ZNF227: variants seen among roughly 807,000 people sequenced by gnomAD.
ZNF227 encodes the protein zinc finger protein 227.
A neutral mutation model predicts 13.2 loss-of-function variants in ZNF227; 12 were observed. That is an observed-to-expected ratio of 0.91 (90% CI 0.58 to 1.47). ZNF227 has a LOEUF of 1.47. Among genes scored for constraint, ZNF227 ranks in the 40% most tolerant of loss-of-function variants. The probability of loss-of-function intolerance (pLI) is 0.00; values close to 1 mark genes in which losing one functional copy is unlikely to be tolerated. For missense variants in ZNF227, 885 were observed against 967.5 expected, an observed-to-expected ratio of 0.91 and a Z score of 1.13; for synonymous variants, 338 against 326.0, an observed-to-expected ratio of 1.04 and a Z score of -0.40.
upstream of ZNF227, among the ~76,000 whole-genome samples, chr19:44,209,059 C>T (rs1971278679): frequency 6.6e-6 from 1 of 152,072 alleles, no homozygotes; most frequent in African/African-American, 2.4e-5. Flanking sequence ...TGGATGACAG[C>T]GAGACCCCGT....
intron 2 of ZNF227, among the ~76,000 whole-genome samples, chr19:44,214,566 C>T (rs1971645830): frequency 1.3e-5 from 2 of 151,900 alleles, no homozygotes; most frequent in Non-Finnish European, 1.5e-5. Flanking sequence ...TTAGTAGAGA[C>T]GGGGTTTCAC....
At chr19:44,210,448 A>G (rs1054440535), upstream of ZNF227, among the ~76,000 whole-genome samples, 2 of 152,238 alleles carry the variant, frequency 1.3e-5, no homozygotes, top group South Asian at 2.1e-4. Context: ...AAATGGAAGC[A>G]CTAGTATTTT....
Position 44,235,930 on chromosome 19 carries a change from C to A in ZNF227, c.1500C>A (p.Gly500=), listed in dbSNP as rs1568619544. 6.2e-7 allele frequency: 1 copy of A among 1,614,092 alleles called. No homozygotes were observed. Among genetic ancestry groups the A allele is most frequent in the Non-Finnish European group, 8.5e-7 (1 of 1,180,016 alleles). The change falls in exon 6 of 6, where the codon GGC becomes GGA. Residue 500 remains glycine, a synonymous_variant. Transcript: ENST00000313040. The part of the protein sequence containing the change: ...KPYKCKECGK[G]FSQASNLQVH... The stretch of plus-strand genomic sequence containing the variant: ...ATAAATGTAAGGAGTGTGGTAAGGG[C>A]TTCAGTCAGGCTTCAAATCTTCAAG...
Position 44,228,977 on chromosome 19 carries a change from A to G in ZNF227, c.187+405A>G, listed in dbSNP as rs192014886. ...AGTTGCAAAACCCTGTTTTAAATGAACCGTAAATGGACACATTAGCTTCTA... is the reference window on the plus strand; with the variant it reads ...AGTTGCAAAACCCTGTTTTAAATGAGCCGTAAATGGACACATTAGCTTCTA... On this transcript the variant is annotated intron_variant, in intron 4 of 5. Transcript: ENST00000313040. 127 of 241,862 alleles carry G rather than the reference A, an allele frequency of 5.3e-4. 1 individual carries two copies. The highest frequency in any genetic ancestry group is 2.6e-3 in the African/African-American group (116 of 44,846). The allele number at this position is 241,862 out of a possible 1,614,324, so 15.0% of individuals were successfully genotyped here.
Position 44,235,251 on chromosome 19 carries a change from G to C in ZNF227, c.821G>C (p.Gly274Ala). Residue 274 changes from glycine to alanine, a missense_variant, in exon 6 of 6, where the codon GGA becomes GCA. Transcript: ENST00000313040. ...CCCCTTCATCCGAATGTTCATACAG[G>C]AGAAAAATGCTTCAGTCAAAGCTCA... ...RLPLHPNVHTGEKCFSQSSHL... is the reference protein window; with the variant it reads ...RLPLHPNVHTAEKCFSQSSHL... 6.2e-7 allele frequency: 1 copy of C among 1,614,064 alleles called. No individual in the cohort carries two copies. The highest frequency in any genetic ancestry group is 8.5e-7 in the Non-Finnish European group (1 of 1,180,000).
rs1974398993 is a variant in ZNF227, at chr19:44,235,759, G to A, written c.1329G>A (p.Lys443=). The change falls in exon 6 of 6, where the codon AAG becomes AAA. Residue 443 remains lysine, a synonymous_variant. Transcript: ENST00000313040. Reference sequence around the variant, plus strand: ...CCTACAAGTGTGATGTGTGTGGTAAGGGCTTCAGCCACAATTCACCATTAA... The same window carrying A: ...CCTACAAGTGTGATGTGTGTGGTAAAGGCTTCAGCCACAATTCACCATTAA... ...EKPYKCDVCG[K]GFSHNSPLIC... The A allele has an allele frequency of 1.9e-5, 30 of 1,614,040 alleles. No homozygotes were observed. The highest frequency in any genetic ancestry group is 2.5e-5 in the Non-Finnish European group (30 of 1,179,990).
At chr19:44,229,573 T>C (rs1026726476) in intron 4 of ZNF227, among the ~76,000 whole-genome samples, 160 bp from the exon 5 acceptor site, 3 of 152,226 alleles carry the variant, frequency 2.0e-5, no homozygotes, top group Non-Finnish European at 2.9e-5. Context: ...GATTGTGCCA[T>C]TGCACTTCAG....
At chr19:44,213,038 A>T (rs941862232) in intron 1 of ZNF227, 52 bp from the exon 2 acceptor site, 1 of 151,864 alleles carries the variant, frequency 6.6e-6, no homozygotes, top group Non-Finnish European at 1.5e-5. Flanking sequence ...CGTATCCTTC[A>T]GGAGACCGAG....
chr19:44,228,410 T>C (rs1973412476), intron 3 of ZNF227, 36 bp from the exon 4 acceptor site: 1 of 1,592,718 alleles, frequency 6.3e-7, no homozygotes, highest in Non-Finnish European at 8.5e-7. Flanking sequence ...TGAAGGTTGG[T>C]TGTAAGATTG....
At position 44,222,864 on chromosome 19, in the gene ZNF227, A is replaced by C. The variant is rs1377639348; in HGVS notation, c.60+5012A>C. Among the ~76,000 whole-genome samples, 4 of 151,592 alleles carry C rather than the reference A, an allele frequency of 2.6e-5. No homozygotes were observed. In the South Asian group the frequency reaches 8.4e-4, roughly 32 times the overall value. On this transcript the variant is annotated intron_variant, in intron 3 of 5. Transcript: ENST00000313040. ...GCCAGTTTTCAAAGGGAATGCTTCCAGTTTTTGCCCATTCAGTATGATATT... is the reference window on the plus strand; with the variant it reads ...GCCAGTTTTCAAAGGGAATGCTTCCCGTTTTTGCCCATTCAGTATGATATT...
Position 44,236,935 on chromosome 19 carries a change from G to A in ZNF227, c.*105G>A. On this transcript the variant is annotated 3_prime_UTR_variant, in exon 6 of 6. Coordinates refer to ENST00000313040, the MANE Select transcript of ZNF227 (RefSeq NM_182490.3). ...GTAAAACTACTGAGAGTGGAAGGGG[G>A]TTTGTTCACACTTGGAATCTTTCTA... The A allele has an allele frequency of 2.3e-6, 2 of 863,456 alleles. No homozygotes were observed. Among genetic ancestry groups the A allele is most frequent in the Non-Finnish European group, 3.5e-6 (2 of 574,352 alleles). The allele number at this position is 863,456 out of a possible 1,614,324, so 53.5% of individuals were successfully genotyped here. A position where few individuals can be genotyped will look rare whatever the true frequency, so the allele number is the denominator to read the frequency against.
At chr19:44,228,184 T>C (rs1381462447) in intron 3 of ZNF227, 1 of 298,550 alleles carries the variant, frequency 3.3e-6, no homozygotes, top group South Asian at 6.5e-5. Flanking sequence ...TGAGCAGAGA[T>C]TGCGCCACTG....
At chr19:44,209,120 A>G (rs1182608221), upstream of ZNF227, among the ~76,000 whole-genome samples, 1 of 152,180 alleles carries the variant, frequency 6.6e-6, no homozygotes. Context: ...CTAACATTTT[A>G]AATGCATTTA....
chr19:44,224,584 G>C (rs1972898079), intron 3 of ZNF227, among the ~76,000 whole-genome samples: 1 of 152,128 alleles, frequency 6.6e-6, no homozygotes, highest in Non-Finnish European at 1.5e-5. Flanking sequence ...GACAAGGATT[G>C]CAACCCCTGC....
At chr19:44,232,851 G>A (rs937273046) in intron 5 of ZNF227, among the ~76,000 whole-genome samples, 1 of 151,834 alleles carries the variant, frequency 6.6e-6, no homozygotes, top group Non-Finnish European at 1.5e-5. Flanking sequence ...GTTTTTTAGC[G>A]GAGACGGGGT....
rs200400626 is a variant in ZNF227, at chr19:44,222,618, C to G, written c.60+4766C>G. ...TGATTTTTGTACATTGACTTTGTAT[C>G]CTGAGACTTTGCTGAAGTTGCTTAT... On this transcript the variant is annotated intron_variant, in intron 3 of 5. Transcript: ENST00000313040. Among the ~76,000 whole-genome samples the G allele has an allele frequency of 5.9e-3, 894 of 151,912 alleles. 22 individuals carry two copies. The highest frequency in any genetic ancestry group is 0.052 in the Admixed American group (787 of 15,240).
chr19:44,230,924 A>ATATATATATATATATATATATAT (rs1311158831), intron 5 of ZNF227, among the ~76,000 whole-genome samples: 1 of 88,364 alleles, frequency 1.1e-5, no homozygotes, highest in African/African-American at 7.2e-5. Context: ...AAAAAAAAAA[A>ATATATATATATATATATATATAT]AAATATATAT....
intron 4 of ZNF227, chr19:44,228,842 G>A: frequency 2.3e-6 from 1 of 433,410 alleles, no homozygotes; most frequent in East Asian, 3.5e-5. Context: ...CTGACAGAGG[G>A]GTGCTATTGG....
At chr19:44,220,854 T>C (rs1972421870) in intron 3 of ZNF227, among the ~76,000 whole-genome samples, 1 of 149,526 alleles carries the variant, frequency 6.7e-6, no homozygotes, top group Non-Finnish European at 1.5e-5. Flanking sequence ...TTCCCCTTCC[T>C]GTGTCCATGT....
Sources: allele counts gnomAD v4.1 joint callset (sites outside exome capture counted in the v4.1 genomes callset), GRCh38; gene constraint gnomAD v4.1.1; transcripts MANE v1.5; gene names NCBI Gene and HGNC (gene_info 2026-07-23, HGNC 2026-07-21).